The following DRC11 variants were observed in gnomAD, a reference collection of about 807,000 sequenced individuals.
The protein encoded by DRC11 is IQ and AAA domain-containing protein 1.
the DRC11 span, among the ~76,000 whole-genome samples, chr2:236,489,012 T>A: frequency 7.1e-6 from 1 of 140,452 alleles, no homozygotes. Flanking sequence ...GGGCTCTGGG[T>A]GCAGGTGAGG....
At chr2:236,332,467 G>A in the DRC11 span, 2 of 152,204 alleles carry the variant, frequency 1.3e-5, no homozygotes, top group Non-Finnish European at 2.9e-5. The surrounding 1 kb of genome is among the most constrained non-coding windows in gnomAD (Gnocchi z 5.1). Flanking sequence ...AGGGTGAAGG[G>A]TGTTTACAAG....
the DRC11 span, among the ~76,000 whole-genome samples, chr2:236,357,745 T>C: frequency 1.4e-3 from 175 of 126,590 alleles, no homozygotes; most frequent in Middle Eastern, 0.036. Flanking sequence ...ATATAATATG[T>C]AAATATATAA....
chr2:236,373,743 C>T, the DRC11 span, among the ~76,000 whole-genome samples: 530 of 152,252 alleles, frequency 3.5e-3, 2 homozygotes, highest in Non-Finnish European at 6.2e-3. Flanking sequence ...GGAAGTGTGG[C>T]GCAGGATAGC....
At chr2:236,466,988 T>G in the DRC11 span, among the ~76,000 whole-genome samples, 1 of 152,246 alleles carries the variant, frequency 6.6e-6, no homozygotes, top group Admixed American at 6.5e-5. Context: ...AATGGCATTT[T>G]GGTAGTTCCC....
chr2:236,338,095 CCCT>C, the DRC11 span: 16 of 1,045,142 alleles, frequency 1.5e-5, no homozygotes, highest in South Asian at 2.6e-4. Flanking sequence ...GTGCAGGCTC[CCCT>C]CAACTCATCT....
At chr2:236,481,317 C>T in the DRC11 span, among the ~76,000 whole-genome samples, 4 of 152,212 alleles carry the variant, frequency 2.6e-5, no homozygotes, top group Non-Finnish European at 4.4e-5. Context: ...TGGTTATTTA[C>T]ATTGATCTCA....
chr2:236,389,933 T>C, the DRC11 span, among the ~76,000 whole-genome samples: 1 of 152,186 alleles, frequency 6.6e-6, no homozygotes, highest in Non-Finnish European at 1.5e-5. Flanking sequence ...GAATGTTCCA[T>C]GCATACTCGA....
At chr2:236,424,357 A>C in the DRC11 span, among the ~76,000 whole-genome samples, 2 of 152,132 alleles carry the variant, frequency 1.3e-5, no homozygotes, top group Non-Finnish European at 2.9e-5. Context: ...GGTTTATTTC[A>C]TCTCTCTCCT....
chr2:236,436,732 G>C, the DRC11 span, among the ~76,000 whole-genome samples: 1 of 151,962 alleles, frequency 6.6e-6, no homozygotes, highest in South Asian at 2.1e-4. Flanking sequence ...CCAAATTTTT[G>C]ATCTTCATAG....
At chr2:236,316,604 C>T in the DRC11 span, among the ~76,000 whole-genome samples, 1 of 152,216 alleles carries the variant, frequency 6.6e-6, no homozygotes, top group Non-Finnish European at 1.5e-5. The surrounding 1 kb of genome is among the most constrained non-coding windows in gnomAD (Gnocchi z 6.8). Context: ...GAAAAATAGA[C>T]AACCAACTCA....
At chr2:236,343,492 G>A in the DRC11 span, among the ~76,000 whole-genome samples, 2 of 152,226 alleles carry the variant, frequency 1.3e-5, no homozygotes, top group Non-Finnish European at 2.9e-5. The surrounding 1 kb of genome is among the most constrained non-coding windows in gnomAD (Gnocchi z 6.6). Context: ...CTGTGTGAAT[G>A]CTGTTCACTG....
chr2:236,422,474 T>C, the DRC11 span, among the ~76,000 whole-genome samples: 2 of 151,976 alleles, frequency 1.3e-5, no homozygotes, highest in South Asian at 4.1e-4. Context: ...GAATAAAATA[T>C]CTAGGAATCC....
the DRC11 span, among the ~76,000 whole-genome samples, chr2:236,347,508 C>CCATATATATATATATATATATATA: frequency 2.5e-4 from 27 of 107,532 alleles, no homozygotes; most frequent in Admixed American, 6.5e-4. Flanking sequence ...AAAAACTGTG[C>CCATATATATATATATATATATATA]TATATATATA....
At chr2:236,498,552 T>C in the DRC11 span, among the ~76,000 whole-genome samples, 5 of 151,824 alleles carry the variant, frequency 3.3e-5, no homozygotes, top group East Asian at 9.7e-4. Context: ...TCTGCCCTCA[T>C]TCCAGTGAGT....
At chr2:236,493,165 A>AGGGGT in the DRC11 span, among the ~76,000 whole-genome samples, 10 of 151,908 alleles carry the variant, frequency 6.6e-5, no homozygotes, top group South Asian at 8.3e-4. Context: ...GTGCAGGGAA[A>AGGGGT]CTCCCCTTTA....
chr2:236,330,403 T>C, the DRC11 span, among the ~76,000 whole-genome samples: 1 of 152,212 alleles, frequency 6.6e-6, no homozygotes, highest in African/African-American at 2.4e-5. The surrounding 1 kb of genome is among the most constrained non-coding windows in gnomAD (Gnocchi z 5.5). Flanking sequence ...ATATTTACTA[T>C]CTGGACCTTT....
At chr2:236,356,969 T>TTATATATATTCATATATTATATATCTA in the DRC11 span, among the ~76,000 whole-genome samples, 42 of 88,914 alleles carry the variant, frequency 4.7e-4, 1 homozygote, top group African/African-American at 1.9e-3. Context: ...AATATATATA[T>TTATATATATTCATATATTATATATCTA]TATATATTCA....
At chr2:236,456,153 C>G in the DRC11 span, among the ~76,000 whole-genome samples, 2 of 152,208 alleles carry the variant, frequency 1.3e-5, no homozygotes, top group Non-Finnish European at 2.9e-5. The surrounding 1 kb of genome is among the most constrained non-coding windows in gnomAD (Gnocchi z 5.4). Flanking sequence ...ATCTGATGGA[C>G]TTCCTATAGG....
the DRC11 span, among the ~76,000 whole-genome samples, chr2:236,316,034 T>G: frequency 3.3e-5 from 5 of 152,206 alleles, no homozygotes; most frequent in African/African-American, 1.2e-4. This position sits in a 1 kb window ranked among gnomAD's most constrained non-coding sequence, Gnocchi z 6.8. Context: ...GCAACAATAG[T>G]GTCATAATCT....
Sources: gnomAD v4.1 joint callset for allele counts (sites outside exome capture counted in the v4.1 genomes callset) on GRCh38, gnomAD v4.1.1 for gene constraint, Gnocchi (gnomAD v3.1) non-coding constraint, MANE v1.5 for transcripts, NCBI Gene and HGNC (gene_info 2026-07-23, HGNC 2026-07-21) for gene names.